FBXO17: variants seen among roughly 807,000 people sequenced by gnomAD.
FBXO17 encodes F-box protein 17.
A neutral mutation model predicts 34.1 loss-of-function variants in FBXO17; 43 were observed. That is an observed-to-expected ratio of 1.26 (90% confidence interval 0.99 to 1.62). The LOEUF (loss-of-function observed/expected upper bound fraction) is 1.62. Among genes scored for constraint, FBXO17 ranks in the 40% most tolerant of loss-of-function variants. FBXO17 has a pLI of 0.00. For missense variants in FBXO17, 424 were observed against 386.7 expected, an observed-to-expected ratio of 1.10 and a Z score of -0.81; for synonymous variants, 169 against 166.0, an observed-to-expected ratio of 1.02 and a Z score of -0.14.
chr19:38,969,941 C>T (rs557993235), intron 1 of FBXO17, among the ~76,000 whole-genome samples: 3 of 151,802 alleles, frequency 2.0e-5, no homozygotes, highest in African/African-American at 7.3e-5. Context: ...ATGTGCCTGC[C>T]CCATGACCCA....
At chr19:38,974,227 G>A (rs1022288288) in intron 1 of FBXO17, among the ~76,000 whole-genome samples, 20 of 151,262 alleles carry the variant, frequency 1.3e-4, no homozygotes, top group African/African-American at 3.6e-4. Flanking sequence ...GATTACAGGC[G>A]CCTACCACCA....
chr19:38,957,390 A>T (rs997480740), intron 1 of FBXO17, among the ~76,000 whole-genome samples: 1 of 151,074 alleles, frequency 6.6e-6, no homozygotes, highest in Non-Finnish European at 1.5e-5. Context: ...TCTGTCGCCC[A>T]GGCTGGAGTG....
In FBXO17 at chr19:38,950,115, C is replaced by T. The variant is rs1391048820; in HGVS notation, c.205G>A (p.Ala69Thr). The T allele has an allele frequency of 6.4e-7, 1 of 1,560,836 alleles. No individual in the cohort carries two copies. The highest frequency in any genetic ancestry group is 8.6e-7 in the Non-Finnish European group (1 of 1,156,200). Residue 69 changes from alanine to threonine, a missense_variant, in exon 2 of 6, where the codon GCC becomes ACC. Ala to Thr is a moderately conservative substitution (Grantham distance 58). Coordinates refer to ENST00000292852, the MANE Select transcript of FBXO17 (RefSeq NM_024907.7). Reference sequence around the variant, plus strand: ...ACTGCGTAGAGTGCGCGGCCCTCGGCGCTGCGGTCGCGGGCCAGCTGCAGC... The same window carrying T: ...ACTGCGTAGAGTGCGCGGCCCTCGGTGCTGCGGTCGCGGGCCAGCTGCAGC... The part of the protein sequence containing the change: ...WLLQLARDRS[A>T]EGRALYAVAQ...
At chr19:38,948,410 C>T (rs1975018640) in intron 3 of FBXO17, among the ~76,000 whole-genome samples, 157 bp downstream of exon 3, 1 of 152,194 alleles carries the variant, frequency 6.6e-6, no homozygotes, top group African/African-American at 2.4e-5. Context: ...GAAACAGTAC[C>T]CTCAACAAGT....
At position 38,949,394 on chromosome 19, in the gene FBXO17, C is replaced by T. The variant is rs147387342; in HGVS notation, c.349+577G>A. Among the ~76,000 whole-genome samples, 386 of 152,160 alleles carry T rather than the reference C, an allele frequency of 2.5e-3. 1 individual carries two copies. Among genetic ancestry groups the T allele is most frequent in the African/African-American group, 8.9e-3 (371 of 41,534 alleles). ...GGATTACAGGCGTGAGCCACTGCGC[C>T]TGGACTAATTTTTAAATTTTTTAGA... On this transcript the variant is annotated intron_variant, in intron 2 of 5. Transcript: ENST00000292852.
At position 38,950,264 on chromosome 19, in the gene FBXO17, T is replaced by G. The variant is rs187742039; in HGVS notation, c.56A>C (p.Asp19Ala). The G allele has an allele frequency of 2.6e-4, 396 of 1,500,850 alleles. No homozygotes were observed. The African/African-American group carries it at 5.3e-3, about 20-fold the overall frequency. The allele number at this position is 1,500,850 out of a possible 1,614,324, so 93.0% of individuals were successfully genotyped here. Reference sequence around the variant, plus strand: ...CACCAGCAGCTCCGGGGGCAGCGCGTCCAGGGCCAGGGATGGGTCCGCCGG... The same window carrying G: ...CACCAGCAGCTCCGGGGGCAGCGCGGCCAGGGCCAGGGATGGGTCCGCCGG... ...RLPADPSLAL[D>A]ALPPELLVQV... is the part of the protein sequence containing the mutation. Residue 19 changes from aspartate to alanine, a missense_variant, in exon 2 of 6, where the codon GAC (aspartate) becomes GCC (alanine). Asp to Ala is a moderately radical substitution (Grantham distance 126). Coordinates refer to ENST00000292852, the MANE Select transcript of FBXO17 (RefSeq NM_024907.7).
At chr19:38,971,720 G>A (rs185771603) in intron 1 of FBXO17, among the ~76,000 whole-genome samples, 1 of 152,054 alleles carries the variant, frequency 6.6e-6, no homozygotes, top group East Asian at 1.9e-4. Flanking sequence ...CCAGGAAGTT[G>A]AGGCTGCAGT....
chr19:38,942,756 A>C lies in FBXO17; in HGVS notation c.694-5T>G. 1 of 1,600,126 alleles carries C rather than the reference A, an allele frequency of 6.2e-7. No individual in the cohort carries two copies. ...GTTGGTGAAGACGTGGGAGACCTGC[A>C]GGGGGAAGGGGAGTGAGAGGGTGAG... On this transcript the variant is annotated splice_polypyrimidine_tract_variant and splice_region_variant and intron_variant, in intron 5 of 5. Transcript: ENST00000292852.
intron 1 of FBXO17, among the ~76,000 whole-genome samples, chr19:38,972,425 A>G (rs1975401655): frequency 6.6e-6 from 1 of 151,900 alleles, no homozygotes; most frequent in Non-Finnish European, 1.5e-5. Context: ...CGCACCTGTA[A>G]TCCCAGCTAC....
intron 1 of FBXO17, among the ~76,000 whole-genome samples, chr19:38,965,413 C>T (rs186441288): frequency 2.3e-3 from 356 of 152,090 alleles, no homozygotes; most frequent in South Asian, 5.0e-3. Context: ...CTGCAACCTC[C>T]GCCTCCTGGG....
At position 38,950,178 on chromosome 19, in the gene FBXO17, CGCGGCACACTGG is replaced by C; in HGVS notation, c.130_141del (p.Pro44_Arg47del). ...GGCCCGTCCACTATGTCGCGCCAGG[CGCGGCACACTGG>C]GCGGCATCGCGTGACCAAGGAGCGT... On this transcript the variant is annotated inframe_deletion, in exon 2 of 6. Transcript: ENST00000292852. The C allele has an allele frequency of 6.4e-7, 1 of 1,559,312 alleles. No homozygotes were observed. The highest frequency in any genetic ancestry group is 1.2e-5 in the South Asian group (1 of 85,508).
intron 1 of FBXO17, among the ~76,000 whole-genome samples, chr19:38,951,400 C>G (rs1409106834): frequency 6.6e-6 from 1 of 151,738 alleles, no homozygotes; most frequent in Non-Finnish European, 1.5e-5. Context: ...GTCTTGAATT[C>G]CTGGGTTCAA....
At chr19:38,945,691 G>A (rs1396365295) in intron 4 of FBXO17, 1 of 183,092 alleles carries the variant, frequency 5.5e-6, no homozygotes, top group African/African-American at 2.6e-5. Flanking sequence ...GGGTGGTCCT[G>A]GGGGAGGAGC....
chr19:38,955,593 C>T (rs1468330080), intron 1 of FBXO17, among the ~76,000 whole-genome samples: 3 of 150,872 alleles, frequency 2.0e-5, no homozygotes, highest in Admixed American at 6.7e-5. Flanking sequence ...AAGTGATTCT[C>T]GTGCCTCAGC....
intron 1 of FBXO17, among the ~76,000 whole-genome samples, chr19:38,974,215 G>A (rs1408718148): frequency 2.6e-5 from 4 of 151,168 alleles, no homozygotes; most frequent in Admixed American, 6.6e-5. Context: ...CTGAGTAGCT[G>A]GGATTACAGG....
intron 1 of FBXO17, among the ~76,000 whole-genome samples, chr19:38,965,831 G>A (rs1218220831): frequency 6.6e-6 from 1 of 151,670 alleles, no homozygotes; most frequent in South Asian, 2.1e-4. Context: ...TAGTAGAGAC[G>A]GGGTTTCACC....
intron 1 of FBXO17, among the ~76,000 whole-genome samples, chr19:38,959,069 C>T (rs935518491): frequency 6.7e-6 from 1 of 150,206 alleles, no homozygotes; most frequent in Non-Finnish European, 1.5e-5. Context: ...TGCCCAGCTT[C>T]GTTTGTTTTA....
intron 1 of FBXO17, among the ~76,000 whole-genome samples, chr19:38,967,546 C>G (rs1403973309): frequency 1.3e-5 from 2 of 151,060 alleles, no homozygotes; most frequent in Non-Finnish European, 2.9e-5. Flanking sequence ...TGCTCCACTT[C>G]ATTAGTCATT....
chr19:38,956,671 A>G (rs941226542), intron 1 of FBXO17, among the ~76,000 whole-genome samples: 1 of 152,074 alleles, frequency 6.6e-6, no homozygotes, highest in African/African-American at 2.4e-5. Flanking sequence ...ACTTGAGGTC[A>G]GGAGTTCAAG....
Sources: gnomAD v4.1 joint callset for allele counts (sites outside exome capture counted in the v4.1 genomes callset) on GRCh38, gnomAD v4.1.1 for gene constraint, MANE v1.5 for transcripts, NCBI Gene and HGNC (gene_info 2026-07-23, HGNC 2026-07-21) for gene names.